Variants in PLBD1 observed in about 807,000 individuals in gnomAD.
PLBD1 encodes the protein phospholipase B domain containing 1.
A neutral mutation model predicts 63.0 loss-of-function variants in PLBD1; 60 were observed. The ratio of observed to expected loss-of-function variants is 0.95; its 90% confidence interval spans 0.77 to 1.18. The LOEUF is 1.18. Ranked by LOEUF, PLBD1 falls within the 50% of genes most tolerant of loss-of-function variation. PLBD1 has a pLI of 0.00. For missense variants in PLBD1, 598 were observed against 677.9 expected, an observed-to-expected ratio of 0.88 and a Z score of 1.31; for synonymous variants, 262 against 248.0, an observed-to-expected ratio of 1.06 and a Z score of -0.53.
chr12:14,552,817 T>A (rs1281313485), intron 2 of PLBD1, among the ~76,000 whole-genome samples: 2 of 152,054 alleles, frequency 1.3e-5, no homozygotes, highest in Admixed American at 6.5e-5. Flanking sequence ...AATTAAAGAG[T>A]GCCACACTTG....
At chr12:14,546,911 AG>A (rs1231218160) in intron 2 of PLBD1, among the ~76,000 whole-genome samples, 2 of 151,360 alleles carry the variant, frequency 1.3e-5, no homozygotes, top group Admixed American at 6.6e-5. Flanking sequence ...GATGGAGTCT[AG>A]CTCTGTCACC....
intron 1 of PLBD1, among the ~76,000 whole-genome samples, chr12:14,562,677 G>A (rs1290334240): frequency 6.6e-6 from 1 of 152,084 alleles, no homozygotes; most frequent in Non-Finnish European, 1.5e-5. Context: ...TCGAAAGATT[G>A]TAACATATAA....
intron 3 of PLBD1, among the ~76,000 whole-genome samples, chr12:14,541,287 T>A (rs1484498373): frequency 6.6e-6 from 1 of 152,222 alleles, no homozygotes; most frequent in African/African-American, 2.4e-5. Flanking sequence ...GTAGAAGTAG[T>A]AAAGTTAAAC....
chr12:14,506,853 T>C (rs1945259877), intron 9 of PLBD1, 80 bp downstream of exon 9: 1 of 1,289,370 alleles, frequency 7.8e-7, no homozygotes, highest in African/African-American at 1.5e-5. Flanking sequence ...AGTACAGAGA[T>C]GATAAACTTA....
intron 6 of PLBD1, among the ~76,000 whole-genome samples, chr12:14,529,329 A>G (rs1945441681): frequency 6.6e-6 from 1 of 152,162 alleles, no homozygotes; most frequent in Non-Finnish European, 1.5e-5. Context: ...AAAAACCATC[A>G]TAAGAAAAGC....
intron 2 of PLBD1, among the ~76,000 whole-genome samples, chr12:14,543,855 C>T (rs955515056): frequency 6.6e-6 from 1 of 152,044 alleles, no homozygotes. Context: ...AAAGTATATC[C>T]TCTAACAGTT....
chr12:14,504,487 G>T (rs1332304866), intron 10 of PLBD1, among the ~76,000 whole-genome samples: 1 of 152,210 alleles, frequency 6.6e-6, no homozygotes, highest in Admixed American at 6.5e-5. Context: ...GAGATATGAA[G>T]TCAGATTACT....
rs11056002 is a variant in PLBD1, at chr12:14,512,320, T to G, written c.845-609A>C. On this transcript the variant is annotated intron_variant, in intron 6 of 10. Coordinates refer to ENST00000240617, the MANE Select transcript of PLBD1 (RefSeq NM_024829.6). ...TGCACCACCACACCTGGCTAATTTT[T>G]GTATTTTTAGTAGAGACCGGGTTTC... is the stretch of plus-strand genomic sequence containing the variant. Among the ~76,000 whole-genome samples, 1,381 of 152,104 alleles carry G rather than the reference T, an allele frequency of 9.1e-3. 6 individuals are homozygous for G. The highest frequency in any genetic ancestry group is 0.015 in the Non-Finnish European group (1,046 of 67,988).
chr12:14,549,281 A>G (rs1945638789), intron 2 of PLBD1, among the ~76,000 whole-genome samples: 1 of 152,220 alleles, frequency 6.6e-6, no homozygotes, highest in Non-Finnish European at 1.5e-5. Context: ...GGTGGCCGTC[A>G]AGGCACTAAC....
intron 6 of PLBD1, among the ~76,000 whole-genome samples, chr12:14,529,500 T>C (rs192467500): frequency 3.9e-5 from 6 of 152,286 alleles, no homozygotes; most frequent in Admixed American, 3.9e-4. Flanking sequence ...ATGTAACTTA[T>C]CATATTAATA....
intron 2 of PLBD1, among the ~76,000 whole-genome samples, chr12:14,548,065 C>T (rs917778769): frequency 1.3e-5 from 2 of 152,158 alleles, no homozygotes; most frequent in African/African-American, 4.8e-5. Context: ...CAGTCTGACA[C>T]ATTGTAAATG....
chr12:14,511,711 C>T lies in PLBD1; in HGVS notation c.845G>A (p.Gly282Glu), dbSNP rs1166212737. The change falls in exon 7 of 11, where the codon GGG becomes GAG. Residue 282 changes from glycine to glutamate, a missense_variant and splice_region_variant. Transcript: ENST00000240617. ...AAAATCATCCAGAGACTCCAAAAAC[C>T]CTACAGGAAAGACAAATATACACAT... The part of the protein sequence containing the change: ...SSRLSFSSYP[G>E]FLESLDDFYI... 6.2e-7 allele frequency: 1 copy of T among 1,613,482 alleles called. No homozygotes were observed. The highest frequency in any genetic ancestry group is 1.3e-5 in the African/African-American group (1 of 74,896).
intron 6 of PLBD1, among the ~76,000 whole-genome samples, chr12:14,527,266 A>G (rs1327676549): frequency 6.6e-6 from 1 of 152,194 alleles, no homozygotes; most frequent in Non-Finnish European, 1.5e-5. Flanking sequence ...AAATATGAAT[A>G]TGCTAACTTT....
In PLBD1 at chr12:14,503,845, T is replaced by G. The variant is rs1184118375; in HGVS notation, c.1589A>C (p.His530Pro). 6.2e-7 allele frequency: 1 copy of G among 1,613,846 alleles called. No individual in the cohort carries two copies. Among genetic ancestry groups the G allele is most frequent in the African/African-American group, 1.3e-5 (1 of 75,006 alleles). ...GTTGTAGACCTCTGGCATGCCCTGA[T>G]GTAGAGTTTTGTTGAAACGGTCCCA... ...FRWDRFNKTL[H>P]QGMPEVYNFD... The change falls in exon 11 of 11, where the codon CAT becomes CCT. Residue 530 changes from histidine to proline, a missense_variant. Physicochemically the swap from His to Pro is moderately conservative, Grantham distance 77. Transcript: ENST00000240617.
intron 1 of PLBD1, among the ~76,000 whole-genome samples, chr12:14,566,540 C>G (rs1018327408): frequency 6.6e-6 from 1 of 152,102 alleles, no homozygotes; most frequent in African/African-American, 2.4e-5. Flanking sequence ...ATCTTCACCT[C>G]CTTAGGAACG....
Position 14,517,730 on chromosome 12 carries a change from T to C in PLBD1, c.845-6019A>G, listed in dbSNP as rs537697767. Among the ~76,000 whole-genome samples the C allele has an allele frequency of 5.3e-5, 8 of 152,348 alleles. No homozygotes were observed. In the South Asian group the frequency reaches 1.7e-3, roughly 32 times the overall value. Reference sequence around the variant, plus strand: ...AACATGCCACAGGCTCAGACTGTTTTGTGTAAAGGATGTCAAAGAACTGCA... The same window carrying C: ...AACATGCCACAGGCTCAGACTGTTTCGTGTAAAGGATGTCAAAGAACTGCA... On this transcript the variant is annotated intron_variant, in intron 6 of 10. Transcript: ENST00000240617.
chr12:14,505,057 A>G (rs1276265185), intron 10 of PLBD1, among the ~76,000 whole-genome samples: 1 of 151,828 alleles, frequency 6.6e-6, no homozygotes, highest in Non-Finnish European at 1.5e-5. Flanking sequence ...AAAAAGGAAT[A>G]CAAAAACATT....
At chr12:14,529,352 AAT>A (rs1945441781) in intron 6 of PLBD1, among the ~76,000 whole-genome samples, 1 of 152,134 alleles carries the variant, frequency 6.6e-6, no homozygotes, top group African/African-American at 2.4e-5. Context: ...ACTACAAACA[AAT>A]ATGTCTCATG....
At chr12:14,538,292 C>G (rs1007601621) in intron 4 of PLBD1, among the ~76,000 whole-genome samples, 3 of 152,116 alleles carry the variant, frequency 2.0e-5, no homozygotes, top group Admixed American at 1.3e-4. Context: ...ATCCTGAGTT[C>G]AAGCAAATCT....
Sources: gnomAD v4.1 joint callset for allele counts (sites outside exome capture counted in the v4.1 genomes callset) on GRCh38, gnomAD v4.1.1 for gene constraint, MANE v1.5 for transcripts, NCBI Gene and HGNC (gene_info 2026-07-23, HGNC 2026-07-21) for gene names.